Variants in DOK4 observed in about 807,000 individuals in gnomAD.
DOK4 encodes docking protein 4.
A neutral mutation model predicts 40.1 loss-of-function variants in DOK4; 26 were observed. The observed-to-expected ratio is 0.65, with a 90% confidence interval of 0.48 to 0.90. The LOEUF (loss-of-function observed/expected upper bound fraction) is 0.90, where lower values mean the gene tolerates loss of function less well. DOK4 is among the 40% of genes least tolerant of loss of function. The pLI, the probability that DOK4 is intolerant of heterozygous loss-of-function variation, is 0.00. For synonymous variants in DOK4, 179 were observed against 177.0 expected (o/e 1.01, Z -0.09); for missense variants, 392 against 437.2 (o/e 0.90, Z 0.92).
At chr16:57,478,499 T>C (rs1282065142) in intron 2 of DOK4, 2 of 152,094 alleles carry the variant, frequency 1.3e-5, no homozygotes, top group Non-Finnish European at 2.9e-5. Context: ...GTGACCTCAG[T>C]CACCAGGGCT....
At chr16:57,483,438 T>A (rs755342798) in intron 1 of DOK4, among the ~76,000 whole-genome samples, 2 of 151,678 alleles carry the variant, frequency 1.3e-5, no homozygotes, top group Non-Finnish European at 2.9e-5. Context: ...CAAGACCAGA[T>A]CCGGCAACAT....
chr16:57,474,140 G>A, intron 6 of DOK4, 101 bp from the exon 7 acceptor site: 1 of 1,529,198 alleles, frequency 6.5e-7, no homozygotes, highest in Non-Finnish European at 8.9e-7. Context: ...TTGCATTCCA[G>A]GCCGGGAGGA....
At chr16:57,480,473 GCCA>G (rs1384713037) in intron 1 of DOK4, 8 of 153,100 alleles carry the variant, frequency 5.2e-5, no homozygotes, top group African/African-American at 1.9e-4. Context: ...GCTGGAGGTA[GCCA>G]CTGTGGGAGC....
intron 3 of DOK4, 24 bp downstream of exon 3, chr16:57,475,826 G>A: frequency 6.3e-7 from 1 of 1,598,932 alleles, no homozygotes; most frequent in Non-Finnish European, 8.5e-7. Context: ...CCACTTGGGG[G>A]AGCTAGGGCC....
rs2031516571 is a variant in DOK4, at chr16:57,485,457, C to T, written c.-182+848G>A. Among the ~76,000 whole-genome samples, 1 of 152,148 alleles carries T rather than the reference C, an allele frequency of 6.6e-6. No individual in the cohort carries two copies. Among genetic ancestry groups the T allele is most frequent in the South Asian group, 2.1e-4 (1 of 4,828 alleles). On this transcript the variant is annotated intron_variant, in intron 1 of 8. Coordinates refer to ENST00000340099, the Ensembl canonical transcript of DOK4. The surrounding 1 kb of genome is among the most constrained non-coding windows in gnomAD (Gnocchi z 4.3). The stretch of plus-strand genomic sequence containing the variant: ...CAGCGCCACATCCCTCTGAAAGGGT[C>T]CAGGAAAGAACCTGCCCTAAGCAAG...
chr16:57,476,289 T>G lies in DOK4; in HGVS notation c.67-332A>C, dbSNP rs191182971. On this transcript the variant is annotated intron_variant, in intron 2 of 8. Transcript: ENST00000340099. Reference sequence around the variant, plus strand: ...GAGTGCTTCCTGCTCACACCTGTTATTAGCACTGTGCACAGTCTCAGGGCC... The same window carrying G: ...GAGTGCTTCCTGCTCACACCTGTTAGTAGCACTGTGCACAGTCTCAGGGCC... 2.4e-3 allele frequency: 800 copies of G among 330,966 alleles called. 2 individuals are homozygous for G. The highest frequency in any genetic ancestry group is 3.8e-3 in the Non-Finnish European group (644 of 171,410). 20.5% of individuals were successfully genotyped at this position (330,966 alleles called of 1,614,324 possible).
In DOK4 at chr16:57,472,192, C is replaced by T. The variant is rs1037806463; in HGVS notation, c.*1185G>A. The T allele has an allele frequency of 4.6e-5, 7 of 152,312 alleles. No individual in the cohort carries two copies. The South Asian group carries it at 6.2e-4, about 14-fold the overall frequency. 9.4% of individuals were successfully genotyped at this position (152,312 alleles called of 1,614,324 possible). A position where few individuals can be genotyped will look rare whatever the true frequency, so the allele number is the denominator to read the frequency against. On this transcript the variant is annotated 3_prime_UTR_variant, in exon 9 of 9. Coordinates refer to ENST00000340099, the Ensembl canonical transcript of DOK4. ...GCTCAAGGGCTCCTTTGGGAGGGGC[C>T]GCGTGCTTTATCATCCTCCTGCCAC...
chr16:57,481,543 G>C (rs1429209110), intron 1 of DOK4: 1 of 152,294 alleles, frequency 6.6e-6, no homozygotes, highest in Non-Finnish European at 1.5e-5. Context: ...TCTCCTCAGA[G>C]CAAGGACCAG....
rs182214151 is a variant in DOK4, at chr16:57,473,066, G to T, written c.*311C>A. Reference sequence around the variant, plus strand: ...GCCTGGTCATGGGATTAAAAAATTTGTGTGTATTGGTGGGGAAGGATGGGG... The same window carrying T: ...GCCTGGTCATGGGATTAAAAAATTTTTGTGTATTGGTGGGGAAGGATGGGG... On this transcript the variant is annotated 3_prime_UTR_variant, in exon 9 of 9. Transcript: ENST00000340099. 9.8e-5 allele frequency: 32 copies of T among 325,038 alleles called. No homozygotes were observed. In the Middle Eastern group the frequency reaches 3.5e-3, roughly 35 times the overall value. The allele number at this position is 325,038 out of a possible 1,614,324, so 20.1% of individuals were successfully genotyped here.
intron 2 of DOK4, among the ~76,000 whole-genome samples, chr16:57,477,552 G>A (rs1480772883): frequency 4.6e-5 from 7 of 152,226 alleles, no homozygotes; most frequent in Non-Finnish European, 7.3e-5. Context: ...CATGCAGCCC[G>A]CAGCATCAGG....
chr16:57,473,794 CA>C, intron 7 of DOK4, 58 bp from the exon 8 acceptor site: 1 of 1,586,868 alleles, frequency 6.3e-7, no homozygotes, highest in Non-Finnish European at 8.6e-7. Flanking sequence ...CCTGAGCAGC[CA>C]CCCCAAGACC....
chr16:57,475,693 T>TCTCTCTCTCTCTCTCCCTCC (rs745889807), intron 3 of DOK4, 73 bp from the exon 4 acceptor site: 3 of 483,732 alleles, frequency 6.2e-6, no homozygotes, highest in Non-Finnish European at 6.9e-6. Flanking sequence ...TCTCTCTCTC[T>TCTCTCTCTCTCTCTCCCTCC]CTCCCTCCCT....
chr16:57,475,670 CT>C, intron 3 of DOK4, 50 bp from the exon 4 acceptor site: 1 of 675,590 alleles, frequency 1.5e-6, no homozygotes, highest in Non-Finnish European at 2.3e-6. Context: ...ATCTCTCTCT[CT>C]CTCTCTCTCT....
chr16:57,481,537 C>A, intron 1 of DOK4: 1 of 152,414 alleles, frequency 6.6e-6, no homozygotes, highest in Non-Finnish European at 1.5e-5. Flanking sequence ...CTGCCTTCTC[C>A]TCAGAGCAAG....
intron 2 of DOK4, among the ~76,000 whole-genome samples, chr16:57,477,150 C>T (rs1225443850): frequency 2.6e-5 from 4 of 152,292 alleles, no homozygotes; most frequent in East Asian, 1.9e-4. Context: ...CACCCCTCCT[C>T]GGCCCTACTG....
exon 7 of DOK4, chr16:57,473,953 G>C: frequency 6.2e-7 from 1 of 1,614,048 alleles, no homozygotes. Context: ...CTCTGCGATG[G>C]CCAGGGTGGC....
intron 5 of DOK4, 24 bp from the exon 6 acceptor site, chr16:57,475,006 G>A (rs528443581): frequency 3.1e-5 from 49 of 1,601,022 alleles, no homozygotes; most frequent in Middle Eastern, 1.7e-4. Context: ...GGGTGGACAA[G>A]TGGGACCAGA....
rs1555516093 is a variant in DOK4 at position 57,474,832 on chromosome 16, T to C, written c.560A>G (p.Tyr187Cys). The change falls in exon 6 of 9, where the codon TAT becomes TGT. Residue 187 changes from tyrosine (Y) to cysteine (C), a missense_variant. Transcript: ENST00000340099. ...GGTAAAGCGTGTGGCATCCCGGCCA[T>C]AGCGGCGCAGTGAGCAGAGGGGCCA... The C allele has an allele frequency of 1.9e-6, 3 of 1,614,110 alleles. No homozygotes were observed. In the East Asian group the frequency reaches 6.7e-5, roughly 36 times the overall value.
chr16:57,475,710 C>T (rs2031140421), intron 3 of DOK4, 90 bp from the exon 4 acceptor site: 1 of 775,502 alleles, frequency 1.3e-6, no homozygotes, highest in South Asian at 1.6e-5. Flanking sequence ...CCCTCCCTCT[C>T]TCCCCCCTCC....
Sources: allele counts gnomAD v4.1 joint callset (sites outside exome capture counted in the v4.1 genomes callset), GRCh38; gene constraint gnomAD v4.1.1; non-coding constraint Gnocchi (gnomAD v3.1); transcripts MANE v1.5; gene names NCBI Gene and HGNC (gene_info 2026-07-23, HGNC 2026-07-21).